STARD13: variants seen among roughly 807,000 people sequenced by gnomAD.
The protein encoded by STARD13 is stAR-related lipid transfer protein 13.
STARD13 carries 62 observed loss-of-function variants against 106.4 expected under a neutral mutation model. The observed-to-expected ratio is 0.58, with a 90% CI of 0.48 to 0.72. The LOEUF is 0.72. Among genes scored for constraint, STARD13 ranks in the 30% least tolerant of loss-of-function variants. The probability of loss-of-function intolerance (pLI) is 0.00; values close to 1 mark genes in which losing one functional copy is unlikely to be tolerated. For missense variants in STARD13, 1,387 were observed against 1,424.0 expected (o/e 0.97, Z 0.42); for synonymous variants, 565 against 553.0 (o/e 1.02, Z -0.31).
chr13:33,411,688 C>T, the STARD13 span, among the ~76,000 whole-genome samples: 1 of 152,134 alleles, frequency 6.6e-6, no homozygotes, highest in Non-Finnish European at 1.5e-5. Context: ...CATAGTTTTC[C>T]CTTTTCCAGA....
chr13:33,214,547 C>T (rs186232312), intron 1 of STARD13, among the ~76,000 whole-genome samples: 6 of 152,218 alleles, frequency 3.9e-5, no homozygotes, highest in South Asian at 2.1e-4. Flanking sequence ...CAGGAACATC[C>T]GCGCCGAGTG....
At chr13:33,579,569 T>A in the STARD13 span, among the ~76,000 whole-genome samples, 1 of 151,588 alleles carries the variant, frequency 6.6e-6, no homozygotes, top group Admixed American at 6.6e-5. Context: ...AAATCTCAGA[T>A]TGCACCATTG....
At chr13:33,456,518 G>T in the STARD13 span, among the ~76,000 whole-genome samples, 1 of 152,168 alleles carries the variant, frequency 6.6e-6, no homozygotes, top group African/African-American at 2.4e-5. Context: ...ATTTCTGGAG[G>T]CTAGGAAGTC....
intron 6 of STARD13, 147 bp downstream of exon 6, chr13:33,127,226 G>A (rs1183666792): frequency 3.4e-6 from 3 of 884,888 alleles, no homozygotes; most frequent in Non-Finnish European, 4.8e-6. Context: ...CGAGGCTACG[G>A]CAGAGCTCAT....
At chr13:33,646,021 CA>C in the STARD13 span, among the ~76,000 whole-genome samples, 1 of 152,144 alleles carries the variant, frequency 6.6e-6, no homozygotes, top group Non-Finnish European at 1.5e-5. Context: ...GCTATTGTCA[CA>C]GAGATAGTAA....
the STARD13 span, among the ~76,000 whole-genome samples, chr13:33,459,389 C>A: frequency 6.6e-6 from 1 of 152,330 alleles, no homozygotes; most frequent in South Asian, 2.1e-4. Context: ...TTTCATTTAG[C>A]ATAATGCATT....
At chr13:33,585,431 G>C in the STARD13 span, among the ~76,000 whole-genome samples, 2 of 152,184 alleles carry the variant, frequency 1.3e-5, no homozygotes, top group South Asian at 4.1e-4. Context: ...TTGTGGCTCA[G>C]ATCTGTAATT....
At chr13:33,182,473 T>C (rs927829833) in intron 1 of STARD13, among the ~76,000 whole-genome samples, 2 of 152,180 alleles carry the variant, frequency 1.3e-5, no homozygotes, top group African/African-American at 4.8e-5. Context: ...CACCTCTGTC[T>C]CCTGGACTTG....
At chr13:33,405,198 G>T in the STARD13 span, among the ~76,000 whole-genome samples, 39 of 152,220 alleles carry the variant, frequency 2.6e-4, no homozygotes, top group Non-Finnish European at 1.6e-4. Context: ...CAGTGGTACT[G>T]ATCAGTAGGT....
chr13:33,261,747 C>G (rs1047439699), intron 1 of STARD13, among the ~76,000 whole-genome samples: 3 of 152,152 alleles, frequency 2.0e-5, no homozygotes, highest in African/African-American at 4.8e-5. Context: ...TTTGAGATGA[C>G]TGGCAGGAGA....
intron 7 of STARD13, among the ~76,000 whole-genome samples, chr13:33,119,540 C>A (rs1593878159): frequency 6.6e-6 from 1 of 152,214 alleles, no homozygotes; most frequent in African/African-American, 2.4e-5. Flanking sequence ...GAGCAGTCCT[C>A]ATTCTTTTAA....
chr13:33,155,705 T>G (rs1045638606), intron 3 of STARD13: 1 of 152,186 alleles, frequency 6.6e-6, no homozygotes, highest in Non-Finnish European at 1.5e-5. Context: ...CCCCTATCTT[T>G]GAACCTATTA....
the STARD13 span, among the ~76,000 whole-genome samples, chr13:33,433,270 T>G: frequency 0.49 from 75,045 of 152,030 alleles, 19,546 homozygotes; most frequent in African/African-American, 0.67. Flanking sequence ...ATCTTTTCAA[T>G]GTCTCTCATC....
intron 1 of STARD13, among the ~76,000 whole-genome samples, chr13:33,259,302 G>A (rs895261305): frequency 3.9e-5 from 6 of 152,350 alleles, no homozygotes; most frequent in Admixed American, 2.0e-4. Flanking sequence ...GGGACTGACA[G>A]TATCTTCTTT....
At chr13:33,610,781 C>T in the STARD13 span, among the ~76,000 whole-genome samples, 3 of 152,198 alleles carry the variant, frequency 2.0e-5, no homozygotes, top group Non-Finnish European at 2.9e-5. Context: ...GAAGCAGGGA[C>T]GCAGTGCTCA....
At chr13:33,140,766 C>T (rs2019529) in intron 4 of STARD13, among the ~76,000 whole-genome samples, 50,885 of 142,602 alleles carry the variant, frequency 0.36, 9,505 homozygotes, top group Non-Finnish European at 0.43. Context: ...TCTTTTCTTT[C>T]TTTTTTTTTT....
At chr13:33,236,542 C>T (rs970727659) in intron 1 of STARD13, among the ~76,000 whole-genome samples, 3 of 152,220 alleles carry the variant, frequency 2.0e-5, no homozygotes, top group African/African-American at 7.2e-5. Context: ...AAATCAGAAG[C>T]TTTCAGCAAC....
the STARD13 span, among the ~76,000 whole-genome samples, chr13:33,631,669 G>C: frequency 6.6e-6 from 1 of 152,122 alleles, no homozygotes; most frequent in Non-Finnish European, 1.5e-5. Flanking sequence ...TATATTTGTT[G>C]AATTTGATTA....
the STARD13 span, among the ~76,000 whole-genome samples, chr13:33,672,066 A>G: frequency 6.6e-6 from 1 of 152,226 alleles, no homozygotes; most frequent in Non-Finnish European, 1.5e-5. Flanking sequence ...ACACATGCAC[A>G]TGTATGTTTA....
Sources: allele counts gnomAD v4.1 joint callset (sites outside exome capture counted in the v4.1 genomes callset), GRCh38; gene constraint gnomAD v4.1.1; transcripts MANE v1.5; gene names NCBI Gene and HGNC (gene_info 2026-07-23, HGNC 2026-07-21).